The following MAPK10 variants were observed in gnomAD, a reference collection of about 807,000 sequenced individuals.
MAPK10 encodes the protein mitogen-activated protein kinase 10, also known as JNK3 alpha protein kinase.
In MAPK10, 25 loss-of-function variants were observed where a neutral mutation model predicts 59.3. The observed-to-expected ratio is 0.42, with a 90% CI of 0.31 to 0.59. The LOEUF (loss-of-function observed/expected upper bound fraction) is 0.59. Among genes scored for constraint, MAPK10 ranks in the 20% least tolerant of loss-of-function variants. MAPK10 has a pLI of 0.15. For missense variants in MAPK10, 351 were observed against 568.9 expected, an observed-to-expected ratio of 0.62 and a Z score of 3.90; for synonymous variants, 190 against 200.5, an observed-to-expected ratio of 0.95 and a Z score of 0.44.
At chr4:86,442,714 A>G (rs1749550428) in intron 1 of MAPK10, among the ~76,000 whole-genome samples, 1 of 152,226 alleles carries the variant, frequency 6.6e-6, no homozygotes, top group African/African-American at 2.4e-5. Context: ...GTGATAGAAC[A>G]ATCTTAAATT....
At chr4:86,098,198 T>C (rs751890725) in intron 9 of MAPK10, among the ~76,000 whole-genome samples, 4 of 152,130 alleles carry the variant, frequency 2.6e-5, no homozygotes, top group Non-Finnish European at 5.9e-5. Context: ...TAGTGACTTA[T>C]TTTGCTAGTT....
intron 1 of MAPK10, among the ~76,000 whole-genome samples, chr4:86,378,318 C>G (rs1740132131): frequency 6.6e-6 from 1 of 152,270 alleles, no homozygotes; most frequent in African/African-American, 2.4e-5. Flanking sequence ...TTTGCACTTG[C>G]TGATCCTCCT....
chr4:86,308,211 G>C (rs1474993339), intron 2 of MAPK10, among the ~76,000 whole-genome samples: 1 of 152,098 alleles, frequency 6.6e-6, no homozygotes, highest in African/African-American at 2.4e-5. Context: ...TGAAAATAGA[G>C]AGTAGGTGCT....
intron 1 of MAPK10, among the ~76,000 whole-genome samples, chr4:86,534,194 C>T (rs570047449): frequency 1.3e-5 from 2 of 152,114 alleles, no homozygotes; most frequent in Non-Finnish European, 2.9e-5. Context: ...CTATGCATGC[C>T]ACATTTTTTG....
chr4:86,312,471 T>A (rs1409747475), intron 2 of MAPK10, among the ~76,000 whole-genome samples: 1 of 152,092 alleles, frequency 6.6e-6, no homozygotes, highest in Non-Finnish European at 1.5e-5. Context: ...CTTGCCGGAC[T>A]TCTGGTTGAA....
intron 2 of MAPK10, among the ~76,000 whole-genome samples, chr4:86,296,196 A>C (rs1200491582): frequency 6.6e-6 from 1 of 151,828 alleles, no homozygotes; most frequent in East Asian, 1.9e-4. Context: ...AAAAAGAAAA[A>C]GAAAGATTTG....
intron 9 of MAPK10, among the ~76,000 whole-genome samples, chr4:86,088,258 T>C (rs2052358148): frequency 1.3e-5 from 2 of 152,210 alleles, no homozygotes; most frequent in South Asian, 4.1e-4. Flanking sequence ...CACTGCTCAC[T>C]GCAGCTTTGA....
chr4:86,567,382 G>C (rs565054178), intron 1 of MAPK10, among the ~76,000 whole-genome samples: 1 of 152,066 alleles, frequency 6.6e-6, no homozygotes, highest in Non-Finnish European at 1.5e-5. Flanking sequence ...CACCACGCTT[G>C]GCTAATTTTG....
intron 11 of MAPK10, among the ~76,000 whole-genome samples, chr4:86,032,870 C>T (rs756713028): frequency 5.3e-5 from 8 of 152,136 alleles, no homozygotes; most frequent in Non-Finnish European, 1.0e-4. Context: ...TCTTTTAGCA[C>T]GTTTGACTGA....
chr4:86,480,856 A>AG (rs1281207186), intron 1 of MAPK10, among the ~76,000 whole-genome samples: 11 of 152,246 alleles, frequency 7.2e-5, no homozygotes, highest in African/African-American at 2.7e-4. Flanking sequence ...CGAAAGACCC[A>AG]GGGAAAACTG....
At chr4:86,347,722 C>A (rs918191895) in intron 2 of MAPK10, among the ~76,000 whole-genome samples, 2 of 152,026 alleles carry the variant, frequency 1.3e-5, no homozygotes, top group Admixed American at 1.3e-4. Flanking sequence ...CTTGCTGTAT[C>A]CTTACATGGT....
At chr4:86,517,269 CTTTTTTT>C (rs1176457005) in intron 1 of MAPK10, among the ~76,000 whole-genome samples, 3 of 84,276 alleles carry the variant, frequency 3.6e-5, no homozygotes, top group South Asian at 4.0e-4. Flanking sequence ...GGTGTATTAT[CTTTTTTT>C]TTTTTTTTTT....
intron 9 of MAPK10, among the ~76,000 whole-genome samples, chr4:86,087,419 T>C (rs1341677331): frequency 6.6e-6 from 1 of 152,150 alleles, no homozygotes; most frequent in African/African-American, 2.4e-5. Context: ...TTATAATTCA[T>C]TGGGAATAAA....
chr4:86,374,388 C>A (rs1016299093), intron 1 of MAPK10, among the ~76,000 whole-genome samples: 2 of 152,000 alleles, frequency 1.3e-5, no homozygotes, highest in Admixed American at 6.6e-5. Flanking sequence ...ACATGTATCC[C>A]AGAACTTAAA....
intron 4 of MAPK10, among the ~76,000 whole-genome samples, chr4:86,156,596 C>T (rs1380488152): frequency 1.3e-5 from 2 of 152,094 alleles, no homozygotes; most frequent in African/African-American, 4.8e-5. Flanking sequence ...TTAACTTTTG[C>T]CACCACTTTG....
At chr4:86,550,111 C>T (rs907953489) in intron 1 of MAPK10, among the ~76,000 whole-genome samples, 14 of 152,020 alleles carry the variant, frequency 9.2e-5, no homozygotes, top group African/African-American at 2.9e-4. Context: ...TAAGAGACAT[C>T]TTTATCTCAA....
intron 1 of MAPK10, among the ~76,000 whole-genome samples, chr4:86,365,455 A>AAAAAAAAAAAAAAAAAAAAAAG (rs1737706403): frequency 6.8e-6 from 1 of 147,228 alleles, no homozygotes; most frequent in Non-Finnish European, 1.5e-5. Context: ...AAAAAAAAAA[A>AAAAAAAAAAAAAAAAAAAAAAG]AAAAAAAAAA....
intron 2 of MAPK10, among the ~76,000 whole-genome samples, chr4:86,315,248 A>C (rs1206873202): frequency 6.6e-6 from 1 of 152,012 alleles, no homozygotes; most frequent in Non-Finnish European, 1.5e-5. Context: ...GGGTGGGAAG[A>C]TTAGTGGGGG....
At chr4:86,194,123 G>T (rs1456126811) in intron 3 of MAPK10, 6 of 531,978 alleles carry the variant, frequency 1.1e-5, no homozygotes, top group Non-Finnish European at 1.3e-5. Context: ...ACCTCACGTG[G>T]AAATGCAGAA....
Sources: allele counts gnomAD v4.1 joint callset (sites outside exome capture counted in the v4.1 genomes callset), GRCh38; gene constraint gnomAD v4.1.1; transcripts MANE v1.5; gene names NCBI Gene and HGNC (gene_info 2026-07-23, HGNC 2026-07-21).